FARP1: variants seen among roughly 807,000 people sequenced by gnomAD.
The protein encoded by FARP1 is FERM, ARH/RhoGEF and pleckstrin domain protein 1.
FARP1 carries 52 observed loss-of-function variants against 128.8 expected under a neutral mutation model. The observed-to-expected ratio is 0.40, with a 90% CI of 0.32 to 0.51. The LOEUF (loss-of-function observed/expected upper bound fraction) is 0.51. Among genes scored for constraint, FARP1 ranks in the 20% least tolerant of loss-of-function variants. FARP1 has a pLI of 0.45. For missense variants in FARP1, 1,333 were observed against 1,367.9 expected (o/e 0.97, Z 0.40); for synonymous variants, 580 against 551.8 (o/e 1.05, Z -0.72).
intron 2 of FARP1, among the ~76,000 whole-genome samples, chr13:98,279,082 G>A (rs1387704190): frequency 4.0e-5 from 6 of 150,832 alleles, no homozygotes; most frequent in African/African-American, 7.3e-5. Context: ...TTATCTGCCC[G>A]CCTCGGCCTC....
At chr13:98,245,539 C>T (rs1883005723) in intron 2 of FARP1, among the ~76,000 whole-genome samples, 1 of 152,174 alleles carries the variant, frequency 6.6e-6, no homozygotes, top group Admixed American at 6.5e-5. Flanking sequence ...TAAAAAGCCT[C>T]CCCCAGTTTT....
chr13:98,234,337 G>A (rs997102599), intron 2 of FARP1: 2 of 152,240 alleles, frequency 1.3e-5, no homozygotes, highest in Non-Finnish European at 2.9e-5. Context: ...GTATAAGTAA[G>A]TGGCCTGTTG....
intron 1 of FARP1, among the ~76,000 whole-genome samples, chr13:98,161,162 T>C (rs1207684674): frequency 2.0e-5 from 3 of 152,018 alleles, no homozygotes; most frequent in African/African-American, 7.2e-5. Context: ...ATTGGTAATA[T>C]ATTATACATA....
chr13:98,295,479 A>G (rs1885647565), intron 2 of FARP1, among the ~76,000 whole-genome samples: 1 of 152,214 alleles, frequency 6.6e-6, no homozygotes, highest in Non-Finnish European at 1.5e-5. Context: ...ACCTCTGCTT[A>G]TAAACTCCAG....
intron 24 of FARP1, among the ~76,000 whole-genome samples, 185 bp downstream of exon 24, chr13:98,441,021 G>T (rs1566323647): frequency 6.6e-6 from 1 of 152,232 alleles, no homozygotes; most frequent in African/African-American, 2.4e-5. Context: ...ATCCCTGCAG[G>T]GGTGATGCTG....
chr13:98,326,437 C>T (rs1887235555), intron 2 of FARP1, among the ~76,000 whole-genome samples: 1 of 152,170 alleles, frequency 6.6e-6, no homozygotes, highest in South Asian at 2.1e-4. Context: ...CAATCTGAAA[C>T]CCTATTCCCA....
At chr13:98,427,435 G>A (rs1891831251) in intron 17 of FARP1, among the ~76,000 whole-genome samples, 1 of 152,130 alleles carries the variant, frequency 6.6e-6, no homozygotes, top group South Asian at 2.1e-4. Context: ...TTCTCCCTGT[G>A]TTCTTCAATC....
At chr13:98,349,997 A>G (rs1888347467) in intron 3 of FARP1, among the ~76,000 whole-genome samples, 1 of 151,968 alleles carries the variant, frequency 6.6e-6, no homozygotes, top group African/African-American at 2.4e-5. Context: ...GGGTCTGAGG[A>G]CCTCTGAGGT....
At chr13:98,326,430 TC>T (rs1304118252) in intron 2 of FARP1, among the ~76,000 whole-genome samples, 2 of 152,230 alleles carry the variant, frequency 1.3e-5, no homozygotes, top group African/African-American at 4.8e-5. Context: ...CATCCTGCAA[TC>T]TGAAACCCTA....
At chr13:98,335,679 G>A (rs761153783) in intron 2 of FARP1, among the ~76,000 whole-genome samples, 28 of 152,126 alleles carry the variant, frequency 1.8e-4, no homozygotes, top group Admixed American at 9.2e-4. Context: ...TAAATACACC[G>A]CAGCCTCCTC....
rs2139226246 is a variant in FARP1 at position 98,452,706 on chromosome 13, C to T, written c.*4389C>T. 6.4e-6 allele frequency: 1 copy of T among 155,694 alleles called. No homozygotes were observed. The highest frequency in any genetic ancestry group is 6.4e-5 in the Admixed American group (1 of 15,744). 9.6% of individuals were successfully genotyped at this position (155,694 alleles called of 1,614,324 possible). A position where few individuals can be genotyped will look rare whatever the true frequency, so the allele number is the denominator to read the frequency against. ...TGTACACAGTGATTCCTTATGCACG[C>T]CGAAAGGGTTTCCGTAAAAATGACA... On this transcript the variant is annotated 3_prime_UTR_variant, in exon 27 of 27. Coordinates refer to ENST00000319562, the MANE Select transcript of FARP1 (RefSeq NM_005766.4).
At chr13:98,307,517 G>A (rs1424140302) in intron 2 of FARP1, among the ~76,000 whole-genome samples, 4 of 152,056 alleles carry the variant, frequency 2.6e-5, no homozygotes, top group Admixed American at 6.6e-5. Context: ...AGGTGGTGTC[G>A]TGAGTCCTGT....
At chr13:98,377,579 T>TCC (rs1889647274) in intron 5 of FARP1, among the ~76,000 whole-genome samples, 1 of 152,208 alleles carries the variant, frequency 6.6e-6, no homozygotes. Flanking sequence ...TTTTTATGGC[T>TCC]CTCTCTCCCT....
At chr13:98,348,093 C>T (rs879817264) in intron 3 of FARP1, among the ~76,000 whole-genome samples, 2 of 152,186 alleles carry the variant, frequency 1.3e-5, no homozygotes, top group Admixed American at 6.5e-5. Flanking sequence ...TAGTCTAAGA[C>T]GTGTTTCTCA....
chr13:98,237,729 C>A (rs770438396), intron 2 of FARP1, among the ~76,000 whole-genome samples: 3 of 152,130 alleles, frequency 2.0e-5, no homozygotes, highest in African/African-American at 7.2e-5. Context: ...CATGTCATTA[C>A]AAGAAAAAGT....
At chr13:98,162,749 A>G (rs1051774065) in intron 1 of FARP1, among the ~76,000 whole-genome samples, 1 of 152,174 alleles carries the variant, frequency 6.6e-6, no homozygotes, top group East Asian at 1.9e-4. Flanking sequence ...GAGATGCTCT[A>G]ACAATGTTCT....
At chr13:98,203,814 A>G (rs1880101902) in intron 1 of FARP1, 1 of 152,162 alleles carries the variant, frequency 6.6e-6, no homozygotes, top group Non-Finnish European at 1.5e-5. Flanking sequence ...TTCATGCCAA[A>G]CTTATGATTA....
intron 2 of FARP1, among the ~76,000 whole-genome samples, chr13:98,319,762 T>C (rs1886909606): frequency 6.6e-6 from 1 of 152,242 alleles, no homozygotes; most frequent in Non-Finnish European, 1.5e-5. Context: ...TAACTTGGTA[T>C]AATCTGCCAT....
At chr13:98,248,004 C>T (rs1448917458) in intron 2 of FARP1, among the ~76,000 whole-genome samples, 1 of 152,140 alleles carries the variant, frequency 6.6e-6, no homozygotes, top group Non-Finnish European at 1.5e-5. Context: ...ACATCTCTGC[C>T]AAGGGTCCAA....
Sources: gnomAD v4.1 joint callset for allele counts (sites outside exome capture counted in the v4.1 genomes callset) on GRCh38, gnomAD v4.1.1 for gene constraint, MANE v1.5 for transcripts, NCBI Gene and HGNC (gene_info 2026-07-23, HGNC 2026-07-21) for gene names.